The following SLC22A2 variants were observed in gnomAD, a reference collection of about 807,000 sequenced individuals.
SLC22A2 encodes the protein organic cation transporter 2.
In SLC22A2, 46 loss-of-function variants were observed where a neutral mutation model predicts 60.5. That is an observed-to-expected ratio of 0.76 (90% CI 0.60 to 0.97). SLC22A2 has a LOEUF of 0.97. Ranked by LOEUF, SLC22A2 falls within the 50% of genes least tolerant of loss-of-function variation. SLC22A2 has a pLI of 0.00. For missense variants in SLC22A2, 701 were observed against 706.6 expected, an observed-to-expected ratio of 0.99 and a Z score of 0.09; for synonymous variants, 303 against 267.0, an observed-to-expected ratio of 1.13 and a Z score of -1.31.
At chr6:160,248,124 T>C (rs535982469) in intron 4 of SLC22A2, among the ~76,000 whole-genome samples, 2 of 152,362 alleles carry the variant, frequency 1.3e-5, no homozygotes, top group African/African-American at 4.8e-5. Flanking sequence ...CATGCACTGA[T>C]GCCCTCACCC....
chr6:160,223,721 TATTTA>T (rs1782677494), intron 10 of SLC22A2, among the ~76,000 whole-genome samples: 1 of 152,164 alleles, frequency 6.6e-6, no homozygotes, highest in African/African-American at 2.4e-5. Context: ...TTATAATTTT[TATTTA>T]ATTTATTTTT....
Position 160,247,200 on chromosome 6 carries a change from A to G in SLC22A2, c.941T>C (p.Leu314Pro). 1 of 1,593,084 alleles carries G rather than the reference A, an allele frequency of 6.3e-7. No homozygotes were observed. Among genetic ancestry groups the G allele is most frequent in the Non-Finnish European group, 8.6e-7 (1 of 1,161,002 alleles). ...KHIAKKNGKS[L>P]PASLQRLRLE... ...CTGGCTCACCTGAAGGGAGGCGGGT[A>G]GAGATTTTCCATTTTTCTTTGCGAT... Residue 314 changes from leucine (L) to proline (P), a missense_variant, in exon 5 of 11, where the codon CTA becomes CCA. Leu to Pro is a moderately conservative substitution (Grantham distance 98). Coordinates refer to ENST00000366953, the MANE Select transcript of SLC22A2 (RefSeq NM_003058.4).
chr6:160,227,421 G>C (rs1343845511), intron 9 of SLC22A2, among the ~76,000 whole-genome samples: 2 of 152,174 alleles, frequency 1.3e-5, no homozygotes, highest in African/African-American at 4.8e-5. Context: ...CCCCTGCTTT[G>C]TGTTGTCTTG....
chr6:160,238,369 T>C (rs559964415), intron 9 of SLC22A2, among the ~76,000 whole-genome samples: 2 of 152,340 alleles, frequency 1.3e-5, no homozygotes, highest in African/African-American at 2.4e-5. Context: ...GGTTATTGTA[T>C]TGTAAGTAAT....
In SLC22A2 at chr6:160,217,335, G is replaced by A. The variant is rs1782556524; in HGVS notation, c.*97C>T. 4.1e-6 allele frequency: 3 copies of A among 734,926 alleles called. No homozygotes were observed. Among genetic ancestry groups the A allele is most frequent in the South Asian group, 1.9e-5 (1 of 53,124 alleles). The allele number at this position is 734,926 out of a possible 1,614,324, so 45.5% of individuals were successfully genotyped here. A position where few individuals can be genotyped will look rare whatever the true frequency, so the allele number is the denominator to read the frequency against. On this transcript the variant is annotated 3_prime_UTR_variant, in exon 11 of 11. Transcript: ENST00000366953. ...TTGATAGGGCTCAGGGGTAAGTTTG[G>A]TTGAGTTGTATGGGCTTTGTGATGA...
At chr6:160,249,857 GAGGGCTGGAA>G (rs1783155154) in intron 3 of SLC22A2, among the ~76,000 whole-genome samples, 1 of 152,210 alleles carries the variant, frequency 6.6e-6, no homozygotes, top group Non-Finnish European at 1.5e-5. Flanking sequence ...TAACTTAGCA[GAGGGCTGGAA>G]TCAGCTAGTG....
Position 160,233,617 on chromosome 6 carries a change from T to A in SLC22A2, c.1501+7857A>T, listed in dbSNP as rs541004361. Among the ~76,000 whole-genome samples the A allele has an allele frequency of 6.2e-4, 94 of 152,082 alleles. 1 individual carries two copies. The highest frequency in any genetic ancestry group is 2.2e-3 in the African/African-American group (93 of 41,352). On this transcript the variant is annotated intron_variant, in intron 9 of 10. Coordinates refer to ENST00000366953, the MANE Select transcript of SLC22A2 (RefSeq NM_003058.4). Reference sequence around the variant, plus strand: ...CCAATTCTTAGTCCTTTAATACCTATTTTTCTCCTTCTTTTATTTGGACCT... The same window carrying A: ...CCAATTCTTAGTCCTTTAATACCTAATTTTCTCCTTCTTTTATTTGGACCT...
At position 160,258,793 on chromosome 6, in the gene SLC22A2, G is replaced by C; in HGVS notation, c.-36C>G. 1 of 1,509,986 alleles carries C rather than the reference G, an allele frequency of 6.6e-7. No homozygotes were observed. The highest frequency in any genetic ancestry group is 8.8e-7 in the Non-Finnish European group (1 of 1,130,164). 93.5% of individuals were successfully genotyped at this position (1,509,986 alleles called of 1,614,324 possible). A position where few individuals can be genotyped will look rare whatever the true frequency, so the allele number is the denominator to read the frequency against. On this transcript the variant is annotated 5_prime_UTR_variant, in exon 1 of 11. Coordinates refer to ENST00000366953, the MANE Select transcript of SLC22A2 (RefSeq NM_003058.4). ...GCAGGAGGGCCCGAGGCTGCCCGAC[G>C]TGCCCGGAGCGAGGCTGAGAGCGGC...
rs746201634 is a variant in SLC22A2, at chr6:160,258,374, G to A, written c.384C>T (p.Tyr128=). Residue 128 remains tyrosine (Y), a synonymous_variant, in exon 1 of 11, where the codon TAC becomes TAT. Transcript: ENST00000366953. ...TGACGATGGACGAGCCAGGCGTCTC[G>A]TACACCCAGCCGTCCCGGCAGGGGC... ...PLGPCRDGWV[Y]ETPGSSIVTE... 4.3e-6 allele frequency: 7 copies of A among 1,613,060 alleles called. No individual in the cohort carries two copies. The highest frequency in any genetic ancestry group is 2.2e-5 in the South Asian group (2 of 90,976).
At chr6:160,246,450 G>A (rs1783095833) in intron 5 of SLC22A2, among the ~76,000 whole-genome samples, 2 of 152,234 alleles carry the variant, frequency 1.3e-5, no homozygotes, top group South Asian at 2.1e-4. Context: ...GCAGGGGATT[G>A]CTTAAAAGCT....
chr6:160,251,210 CA>C (rs1328968058), intron 2 of SLC22A2, among the ~76,000 whole-genome samples: 1 of 152,208 alleles, frequency 6.6e-6, no homozygotes, highest in Non-Finnish European at 1.5e-5. Flanking sequence ...TGGTGCCACA[CA>C]TGTTACTATC....
chr6:160,237,572 C>T (rs1487197497), intron 9 of SLC22A2, among the ~76,000 whole-genome samples: 6 of 152,086 alleles, frequency 3.9e-5, no homozygotes, highest in Non-Finnish European at 8.8e-5. Context: ...ATATCATCAC[C>T]CTTAATCAGA....
In SLC22A2 at chr6:160,258,512, G is replaced by A. The variant is rs756494902; in HGVS notation, c.246C>T (p.Gly82=). Residue 82 remains glycine (G), a synonymous_variant, in exon 1 of 11, where the codon GGC becomes GGT. Transcript: ENST00000366953. ...NYTVPGPGPA[G]EASPRQCRRY... ...GCCTACACTGTCTTGGGGAGGCTTCGCCCGCAGGTCCTGGGCCCGGCACCG... is the reference window on the plus strand; with the variant it reads ...GCCTACACTGTCTTGGGGAGGCTTCACCCGCAGGTCCTGGGCCCGGCACCG... 4.3e-6 allele frequency: 7 copies of A among 1,614,128 alleles called. No individual in the cohort carries two copies. Among genetic ancestry groups the A allele is most frequent in the Middle Eastern group, 1.6e-4 (1 of 6,062 alleles).
At chr6:160,232,583 AC>A (rs1433651684) in intron 9 of SLC22A2, among the ~76,000 whole-genome samples, 2 of 151,182 alleles carry the variant, frequency 1.3e-5, no homozygotes, top group East Asian at 3.9e-4. Flanking sequence ...TAAAAAAAAA[AC>A]ATTTCTCAAA....
At chr6:160,232,168 A>G (rs1782835442) in intron 9 of SLC22A2, among the ~76,000 whole-genome samples, 1 of 151,812 alleles carries the variant, frequency 6.6e-6, no homozygotes, top group Non-Finnish European at 1.5e-5. Context: ...CTGGACTTCA[A>G]TCTGGCCTCC....
intron 2 of SLC22A2, among the ~76,000 whole-genome samples, chr6:160,251,050 C>T (rs1159714930): frequency 2.6e-5 from 4 of 152,240 alleles, no homozygotes; most frequent in African/African-American, 9.6e-5. Context: ...CTTACATCAC[C>T]ATGTGAGCTG....
In SLC22A2 at chr6:160,258,342, A is replaced by G; in HGVS notation, c.414+2T>C. 6.2e-7 allele frequency: 1 copy of G among 1,602,402 alleles called. No homozygotes were observed. Among genetic ancestry groups the G allele is most frequent in the Non-Finnish European group, 8.5e-7 (1 of 1,174,846 alleles). On this transcript the variant is annotated splice_donor_variant, in intron 1 of 10. Transcript: ENST00000366953. LOFTEE classifies it high-confidence loss of function. ...ATCTGAGCCCTGAGCTCACTCTCTTACCTCGGTGACGATGGACGAGCCAGG... is the reference window on the plus strand; with the variant it reads ...ATCTGAGCCCTGAGCTCACTCTCTTGCCTCGGTGACGATGGACGAGCCAGG...
intron 10 of SLC22A2, chr6:160,218,298 C>T (rs1583386715): frequency 3.0e-6 from 1 of 338,512 alleles, no homozygotes; most frequent in Non-Finnish European, 5.7e-6. Context: ...ACAACAATAA[C>T]AACAACTACA....
intron 9 of SLC22A2, among the ~76,000 whole-genome samples, chr6:160,226,161 G>A (rs1583390499): frequency 1.3e-5 from 2 of 152,074 alleles, no homozygotes; most frequent in Admixed American, 6.6e-5. Context: ...TGATAAACTG[G>A]CTTATCTGGT....
Sources: allele counts gnomAD v4.1 joint callset (sites outside exome capture counted in the v4.1 genomes callset), GRCh38; gene constraint gnomAD v4.1.1; transcripts MANE v1.5; gene names NCBI Gene and HGNC (gene_info 2026-07-23, HGNC 2026-07-21).